The following ANKS1B variants were observed in gnomAD, a reference collection of about 807,000 sequenced individuals.
ANKS1B encodes ankyrin repeat and sterile alpha motif domain containing 1B.
ANKS1B carries 36 observed loss-of-function variants against 148.3 expected under a neutral mutation model. The observed-to-expected ratio is 0.24, with a 90% CI of 0.19 to 0.32. The LOEUF is 0.32. Among genes scored for constraint, ANKS1B ranks in the 10% least tolerant of loss-of-function variants. ANKS1B has a pLI of 1.00. For synonymous variants in ANKS1B, 542 were observed against 560.8 expected (o/e 0.97, Z 0.47); for missense variants, 1,157 against 1,542.6 (o/e 0.75, Z 4.19).
intron 17 of ANKS1B, among the ~76,000 whole-genome samples, chr12:98,947,130 G>A (rs561235915): frequency 1.2e-3 from 183 of 152,192 alleles, no homozygotes; most frequent in African/African-American, 4.2e-3. Flanking sequence ...GAGGGCAGGG[G>A]TTAACAGGGA....
intron 8 of ANKS1B, among the ~76,000 whole-genome samples, chr12:99,729,583 C>A (rs931161731): frequency 2.0e-5 from 3 of 151,884 alleles, no homozygotes; most frequent in Admixed American, 2.0e-4. Context: ...TCCTTTAGTT[C>A]TTTGAACATA....
chr12:98,850,910 G>C (rs2099521239), intron 17 of ANKS1B, among the ~76,000 whole-genome samples: 1 of 152,118 alleles, frequency 6.6e-6, no homozygotes, highest in South Asian at 2.1e-4. Flanking sequence ...GCTTTAACTA[G>C]GCACAGAGTT....
intron 9 of ANKS1B, among the ~76,000 whole-genome samples, chr12:99,515,440 A>G (rs1024900883): frequency 2.0e-5 from 3 of 152,050 alleles, no homozygotes; most frequent in African/African-American, 7.2e-5. Context: ...TTGTCTTTCC[A>G]TGCCTGGTTT....
Position 99,695,074 on chromosome 12 carries a change from T to TGG in ANKS1B, c.1129-39866_1129-39865dup, listed in dbSNP as rs56201305. ...TTTTGTTACTAGGAATATCTCAAAG[T>TGG]GGGGGGGAAATAGTGCTTCTGTGCT... On this transcript the variant is annotated intron_variant, in intron 8 of 26. Transcript: ENST00000683438. 3.9e-4 allele frequency among the ~76,000 whole-genome samples: 60 copies of TGG among 152,020 alleles called. 1 individual carries two copies. The South Asian group carries it at 9.4e-3, about 24-fold the overall frequency.
chr12:99,822,472 C>G (rs2082633629), intron 2 of ANKS1B, among the ~76,000 whole-genome samples: 1 of 152,132 alleles, frequency 6.6e-6, no homozygotes, highest in African/African-American at 2.4e-5. Context: ...TCTCCAGTTT[C>G]TATCATTGCC....
At chr12:99,177,810 AT>A (rs1049035726) in intron 14 of ANKS1B, among the ~76,000 whole-genome samples, 2 of 151,582 alleles carry the variant, frequency 1.3e-5, no homozygotes, top group Non-Finnish European at 2.9e-5. Context: ...TTGTTACTAA[AT>A]TTTTTTTTCA....
intron 15 of ANKS1B, among the ~76,000 whole-genome samples, chr12:99,152,027 G>A (rs2075066780): frequency 6.6e-6 from 1 of 152,120 alleles, no homozygotes; most frequent in Non-Finnish European, 1.5e-5. Context: ...ACTGAGTGGA[G>A]ACTAAGCAAG....
At chr12:99,595,729 T>C (rs889829010) in intron 9 of ANKS1B, among the ~76,000 whole-genome samples, 1 of 151,974 alleles carries the variant, frequency 6.6e-6, no homozygotes, top group African/African-American at 2.4e-5. Flanking sequence ...ATAATACCTC[T>C]TAACACCTTT....
chr12:99,424,650 C>T (rs11609359), intron 11 of ANKS1B, among the ~76,000 whole-genome samples: 1 of 148,876 alleles, frequency 6.7e-6, no homozygotes, highest in Non-Finnish European at 1.5e-5. Context: ...CACACACATA[C>T]ACACACACAC....
intron 12 of ANKS1B, among the ~76,000 whole-genome samples, chr12:99,327,608 T>C (rs1602998635): frequency 6.7e-6 from 1 of 149,028 alleles, no homozygotes; most frequent in African/African-American, 2.5e-5. Flanking sequence ...TGACTCTGTG[T>C]GTTAGGGAGG....
chr12:99,782,938 C>A (rs1404780305), intron 4 of ANKS1B, among the ~76,000 whole-genome samples: 1 of 152,032 alleles, frequency 6.6e-6, no homozygotes, highest in Non-Finnish European at 1.5e-5. Flanking sequence ...GCCTGTAATC[C>A]CAGCACTTTG....
At chr12:99,743,494 A>C (rs1408113721) in intron 8 of ANKS1B, among the ~76,000 whole-genome samples, 1 of 152,256 alleles carries the variant, frequency 6.6e-6, no homozygotes, top group Non-Finnish European at 1.5e-5. Context: ...AATGAAATCT[A>C]CAACATAACG....
At chr12:99,614,576 C>A (rs1015627207) in intron 9 of ANKS1B, among the ~76,000 whole-genome samples, 1 of 151,596 alleles carries the variant, frequency 6.6e-6, no homozygotes, top group African/African-American at 2.4e-5. Flanking sequence ...AAAAAGAATT[C>A]TCAGTAGAGG....
chr12:99,174,090 T>G (rs1270466978), intron 14 of ANKS1B, among the ~76,000 whole-genome samples: 1 of 152,212 alleles, frequency 6.6e-6, no homozygotes, highest in East Asian at 1.9e-4. Flanking sequence ...CCTTGCTGGT[T>G]TACTAGGAGA....
At chr12:99,459,943 A>G (rs891581259) in intron 10 of ANKS1B, among the ~76,000 whole-genome samples, 11 of 152,122 alleles carry the variant, frequency 7.2e-5, no homozygotes, top group Non-Finnish European at 1.6e-4. Context: ...GAGCCCACAT[A>G]ACCAAAACAA....
rs184327993 is a variant in ANKS1B, at chr12:99,756,590, T to C, written c.1128+16332A>G. Among the ~76,000 whole-genome samples, 68 of 152,094 alleles carry C rather than the reference T, an allele frequency of 4.5e-4. 1 individual carries two copies. Among genetic ancestry groups the C allele is most frequent in the Admixed American group, 1.2e-3 (19 of 15,262 alleles). On this transcript the variant is annotated intron_variant, in intron 8 of 26. Coordinates refer to ENST00000683438, the MANE Select transcript of ANKS1B (RefSeq NM_001352186.2). ...GAAAAAAACTACTTTAAAATGAATA[T>C]GGAACCAAAAAAGAACCAAAATATC...
At chr12:99,444,305 C>G (rs2095599436) in intron 10 of ANKS1B, among the ~76,000 whole-genome samples, 1 of 151,808 alleles carries the variant, frequency 6.6e-6, no homozygotes. Flanking sequence ...GAAAAGCACC[C>G]TAGTGAATGA....
chr12:99,405,244 T>G (rs1274193572), intron 11 of ANKS1B, among the ~76,000 whole-genome samples: 1 of 145,400 alleles, frequency 6.9e-6, no homozygotes. Flanking sequence ...AAACACAGAA[T>G]AGTATAACAC....
At chr12:99,608,452 G>A (rs868026076) in intron 9 of ANKS1B, among the ~76,000 whole-genome samples, 13 of 152,122 alleles carry the variant, frequency 8.5e-5, no homozygotes, top group African/African-American at 2.4e-4. Flanking sequence ...TTGGAAAACT[G>A]GAGTTCACAT....
Sources: gnomAD v4.1 joint callset for allele counts (sites outside exome capture counted in the v4.1 genomes callset) on GRCh38, gnomAD v4.1.1 for gene constraint, MANE v1.5 for transcripts, NCBI Gene and HGNC (gene_info 2026-07-23, HGNC 2026-07-21) for gene names.